SYT16: variants seen among roughly 807,000 people sequenced by gnomAD.
SYT16 encodes synaptotagmin 16.
A neutral mutation model predicts 61.4 loss-of-function variants in SYT16; 42 were observed. That is an observed-to-expected ratio of 0.68 (90% CI 0.53 to 0.89). The LOEUF is 0.89. SYT16 is among the 40% of genes least tolerant of loss of function. The probability of loss-of-function intolerance (pLI) is 0.00; values close to 1 mark genes in which losing one functional copy is unlikely to be tolerated. For missense variants in SYT16, 804 were observed against 807.3 expected (o/e 1.00, Z 0.05); for synonymous variants, 314 against 302.3 (o/e 1.04, Z -0.40).
intron 3 of SYT16, among the ~76,000 whole-genome samples, chr14:62,060,134 T>C (rs1017639501): frequency 2.6e-5 from 4 of 152,114 alleles, no homozygotes; most frequent in Admixed American, 1.3e-4. Flanking sequence ...CAGAGTCTAC[T>C]TGTCAAACTT....
intron 2 of SYT16, among the ~76,000 whole-genome samples, chr14:61,991,182 T>C (rs1395289163): frequency 6.6e-6 from 1 of 152,034 alleles, no homozygotes; most frequent in African/African-American, 2.4e-5. Context: ...ACACACCATC[T>C]TTTTTTGTTG....
rs1320060191 is a variant in SYT16 at position 62,108,203 on chromosome 14, A to G, written c.*7496A>G. 1.3e-5 allele frequency: 2 copies of G among 152,350 alleles called. No individual in the cohort carries two copies. The highest frequency in any genetic ancestry group is 1.5e-5 in the Non-Finnish European group (1 of 68,024). The allele number at this position is 152,350 out of a possible 1,614,324, so 9.4% of individuals were successfully genotyped here. A position where few individuals can be genotyped will look rare whatever the true frequency, so the allele number is the denominator to read the frequency against. On this transcript the variant is annotated 3_prime_UTR_variant, in exon 8 of 8. Coordinates refer to ENST00000683842, the MANE Select transcript of SYT16 (RefSeq NM_001367656.1). The stretch of plus-strand genomic sequence containing the variant: ...CCTAGACTCAACCCATTTTTAAAGC[A>G]GGAGTTTTTCCAATGGATTTATTGT...
At chr14:61,849,125 T>TG (rs2046532549) in intron 1 of SYT16, among the ~76,000 whole-genome samples, 1 of 152,182 alleles carries the variant, frequency 6.6e-6, no homozygotes, top group African/African-American at 2.4e-5. Flanking sequence ...GGCCCTAGAA[T>TG]GGGGGGCCTC....
chr14:61,886,004 G>T (rs140574164), intron 1 of SYT16, among the ~76,000 whole-genome samples: 1 of 146,670 alleles, frequency 6.8e-6, no homozygotes, highest in Non-Finnish European at 1.5e-5. Flanking sequence ...TTGCTCTGTC[G>T]CCCAGGCTGG....
At chr14:61,981,470 A>G (rs1186720539) in intron 2 of SYT16, among the ~76,000 whole-genome samples, 1 of 152,228 alleles carries the variant, frequency 6.6e-6, no homozygotes, top group Non-Finnish European at 1.5e-5. Context: ...AACATACAAG[A>G]AAGTGGAGAG....
intron 1 of SYT16, among the ~76,000 whole-genome samples, chr14:61,862,628 A>G (rs1057264676): frequency 3.3e-5 from 5 of 152,168 alleles, no homozygotes; most frequent in African/African-American, 4.8e-5. Context: ...ACCCTGGCAT[A>G]TCATCATCAT....
chr14:61,908,220 A>T (rs2048798807), intron 1 of SYT16, among the ~76,000 whole-genome samples: 1 of 152,240 alleles, frequency 6.6e-6, no homozygotes. Context: ...TGGTGAACTC[A>T]CAAAGTGTTC....
chr14:61,888,550 TTA>T (rs2048001676), intron 1 of SYT16, among the ~76,000 whole-genome samples: 1 of 152,212 alleles, frequency 6.6e-6, no homozygotes, highest in South Asian at 2.1e-4. Context: ...GCTTACTGTC[TTA>T]TATGGGTGCA....
At chr14:61,976,617 T>C (rs2051814875) in intron 2 of SYT16, among the ~76,000 whole-genome samples, 1 of 152,192 alleles carries the variant, frequency 6.6e-6, no homozygotes, top group Non-Finnish European at 1.5e-5. Flanking sequence ...CCCTGAGCTG[T>C]ATGTTGGCCC....
At chr14:61,817,140 GT>G (rs1310982128) in intron 1 of SYT16, among the ~76,000 whole-genome samples, 1 of 152,038 alleles carries the variant, frequency 6.6e-6, no homozygotes, top group Non-Finnish European at 1.5e-5. Flanking sequence ...AATGGGGCTA[GT>G]TGCGGTGGCT....
intron 1 of SYT16, among the ~76,000 whole-genome samples, chr14:61,906,184 A>G (rs1047711249): frequency 3.3e-5 from 5 of 152,240 alleles, no homozygotes; most frequent in South Asian, 2.1e-4. Context: ...GAGACAGCCA[A>G]TTTCCTCAGA....
intron 1 of SYT16, among the ~76,000 whole-genome samples, chr14:61,917,391 C>G (rs577877547): frequency 6.6e-6 from 1 of 152,216 alleles, no homozygotes; most frequent in Non-Finnish European, 1.5e-5. Context: ...GGTTCACGGA[C>G]AAGTAAATAA....
At chr14:61,993,559 G>A (rs752683523) in intron 2 of SYT16, among the ~76,000 whole-genome samples, 2 of 152,036 alleles carry the variant, frequency 1.3e-5, no homozygotes, top group Admixed American at 6.6e-5. Context: ...AAAGATGGCC[G>A]TGGGAGCTAA....
chr14:61,887,918 A>G (rs2047970422), intron 1 of SYT16, among the ~76,000 whole-genome samples: 1 of 152,148 alleles, frequency 6.6e-6, no homozygotes, highest in Admixed American at 6.5e-5. Context: ...AGTTTCCTTC[A>G]AGGACTTCTC....
In SYT16 at chr14:62,101,285, T is replaced by G. The variant is rs142397601; in HGVS notation, c.*578T>G. On this transcript the variant is annotated 3_prime_UTR_variant, in exon 8 of 8. Transcript: ENST00000683842. The stretch of plus-strand genomic sequence containing the variant: ...TTGCACTTTTAAAATAAATTTGTAT[T>G]AATTAAATACCTCTTTTATCTTATA... 817 of 152,396 alleles carry G rather than the reference T, an allele frequency of 5.4e-3. 4 individuals carry two copies. Among genetic ancestry groups the G allele is most frequent in the Non-Finnish European group, 8.0e-3 (546 of 68,050 alleles). 9.4% of individuals were successfully genotyped at this position (152,396 alleles called of 1,614,324 possible). A position where few individuals can be genotyped will look rare whatever the true frequency, so the allele number is the denominator to read the frequency against.
intron 2 of SYT16, among the ~76,000 whole-genome samples, chr14:61,987,875 G>A (rs982311921): frequency 1.3e-5 from 2 of 151,858 alleles, no homozygotes; most frequent in African/African-American, 4.8e-5. Context: ...GGGTTACAGT[G>A]ACCTTAGTTC....
chr14:62,000,652 T>C (rs763855993), intron 3 of SYT16, among the ~76,000 whole-genome samples: 28 of 152,076 alleles, frequency 1.8e-4, no homozygotes, highest in Non-Finnish European at 3.7e-4. Context: ...TTCTTTGTAC[T>C]GAGTATTTTT....
intron 1 of SYT16, among the ~76,000 whole-genome samples, chr14:61,839,885 G>T (rs910102218): frequency 6.6e-6 from 1 of 151,642 alleles, no homozygotes; most frequent in Non-Finnish European, 1.5e-5. Context: ...ACATTGTGGA[G>T]GGGAAAGGGG....
At chr14:62,078,868 C>T (rs1401519469) in intron 5 of SYT16, among the ~76,000 whole-genome samples, 4 of 152,158 alleles carry the variant, frequency 2.6e-5, no homozygotes. Context: ...TGAGTAGTTC[C>T]AGGCTGAAAC....
Sources: gnomAD v4.1 joint callset for allele counts (sites outside exome capture counted in the v4.1 genomes callset) on GRCh38, gnomAD v4.1.1 for gene constraint, MANE v1.5 for transcripts, NCBI Gene and HGNC (gene_info 2026-07-23, HGNC 2026-07-21) for gene names.